PRDM5: variants seen among roughly 807,000 people sequenced by gnomAD.
PRDM5 encodes the protein PR domain zinc finger protein 5.
PRDM5 carries 56 observed loss-of-function variants against 81.2 expected under a neutral mutation model. The ratio of observed to expected loss-of-function variants is 0.69; its 90% CI spans 0.56 to 0.86. PRDM5 has a LOEUF of 0.86. PRDM5 is among the 40% of genes least tolerant of loss of function. The pLI is 0.00. For synonymous variants in PRDM5, 267 were observed against 256.4 expected (o/e 1.04, Z -0.39); for missense variants, 697 against 770.1 (o/e 0.91, Z 1.12).
rs1734075174 is a variant in PRDM5 at position 120,691,919 on chromosome 4, A to G, written c.*3192T>C. ...ATAAAATGCTAACACCAAGTCTGGT[A>G]GTGATTTATATATATTTATTATAGA... On this transcript the variant is annotated 3_prime_UTR_variant, in exon 16 of 16. Coordinates refer to ENST00000264808, the MANE Select transcript of PRDM5 (RefSeq NM_018699.4). The G allele has an allele frequency of 6.6e-6, 1 of 151,972 alleles. No individual in the cohort carries two copies. Among genetic ancestry groups the G allele is most frequent in the Non-Finnish European group, 1.5e-5 (1 of 67,934 alleles). 9.4% of individuals were successfully genotyped at this position (151,972 alleles called of 1,614,324 possible). A position where few individuals can be genotyped will look rare whatever the true frequency, so the allele number is the denominator to read the frequency against.
chr4:120,807,601 C>T (rs1173247971), intron 8 of PRDM5, among the ~76,000 whole-genome samples: 1 of 152,210 alleles, frequency 6.6e-6, no homozygotes, highest in Non-Finnish European at 1.5e-5. Flanking sequence ...TGTCAGCAAA[C>T]TATGTGTCCG....
At chr4:120,811,010 T>C (rs1753755479) in intron 8 of PRDM5, among the ~76,000 whole-genome samples, 1 of 152,174 alleles carries the variant, frequency 6.6e-6, no homozygotes, top group South Asian at 2.1e-4. Flanking sequence ...TAAAATTTTA[T>C]TTTCACGAAT....
At chr4:120,892,881 C>T (rs1017510870) in intron 2 of PRDM5, among the ~76,000 whole-genome samples, 2 of 150,568 alleles carry the variant, frequency 1.3e-5, no homozygotes, top group Admixed American at 6.6e-5. Context: ...TGGGTACTTC[C>T]GAGGACAGCA....
chr4:120,767,163 A>T (rs937048549), intron 13 of PRDM5, among the ~76,000 whole-genome samples: 6 of 152,218 alleles, frequency 3.9e-5, no homozygotes, highest in Non-Finnish European at 8.8e-5. Context: ...ATAAAAACAT[A>T]AATACTAAAA....
At chr4:120,688,385 T>C (rs1432144124), downstream of PRDM5, among the ~76,000 whole-genome samples, 4 of 152,154 alleles carry the variant, frequency 2.6e-5, no homozygotes, top group Non-Finnish European at 5.9e-5. Context: ...TATTAACTTG[T>C]TAACAGATAC....
chr4:120,824,599 C>G (rs138319230), intron 3 of PRDM5, among the ~76,000 whole-genome samples: 179 of 152,286 alleles, frequency 1.2e-3, no homozygotes, highest in Non-Finnish European at 2.1e-3. Context: ...TGTTATTCAT[C>G]TCTTGCCTAT....
intron 14 of PRDM5, among the ~76,000 whole-genome samples, chr4:120,739,288 G>A (rs1393258358): frequency 6.6e-6 from 1 of 152,162 alleles, no homozygotes; most frequent in Non-Finnish European, 1.5e-5. Context: ...AAGGAAACTG[G>A]ACTGTACTTC....
At chr4:120,726,953 T>A (rs1236158104) in intron 14 of PRDM5, among the ~76,000 whole-genome samples, 1 of 152,142 alleles carries the variant, frequency 6.6e-6, no homozygotes, top group Non-Finnish European at 1.5e-5. Context: ...AATTCAGTAT[T>A]TAAAAAAATT....
intron 15 of PRDM5, among the ~76,000 whole-genome samples, chr4:120,706,099 T>C (rs1177033886): frequency 6.6e-6 from 1 of 152,018 alleles, no homozygotes. Flanking sequence ...TTTTTTTTTT[T>C]TTTCTTTTTG....
downstream of PRDM5, among the ~76,000 whole-genome samples, chr4:120,688,585 T>A (rs900220812): frequency 1.3e-5 from 2 of 152,188 alleles, no homozygotes; most frequent in Non-Finnish European, 2.9e-5. Context: ...CCCCCATATT[T>A]CTTTCTAGTT....
At chr4:120,737,137 C>T (rs1741233724) in intron 14 of PRDM5, among the ~76,000 whole-genome samples, 1 of 152,224 alleles carries the variant, frequency 6.6e-6, no homozygotes, top group South Asian at 2.1e-4. Flanking sequence ...GTGGCTTCAT[C>T]AGAGGATCAC....
Position 120,692,047 on chromosome 4 carries a change from T to G in PRDM5, c.*3064A>C, listed in dbSNP as rs1198265275. On this transcript the variant is annotated 3_prime_UTR_variant, in exon 16 of 16. Coordinates refer to ENST00000264808, the MANE Select transcript of PRDM5 (RefSeq NM_018699.4). ...ATATCAATGGTAAAATTTTAGGATT[T>G]TAAAGAGGCACATTTCCTCCTACCT... 6.6e-6 allele frequency: 1 copy of G among 152,072 alleles called. No individual in the cohort carries two copies. Among genetic ancestry groups the G allele is most frequent in the Non-Finnish European group, 1.5e-5 (1 of 67,972 alleles). 9.4% of individuals were successfully genotyped at this position (152,072 alleles called of 1,614,324 possible). A position where few individuals can be genotyped will look rare whatever the true frequency, so the allele number is the denominator to read the frequency against.
In PRDM5 at chr4:120,802,015, A is replaced by G. The variant is rs760915269; in HGVS notation, c.946-2270T>C. Among the ~76,000 whole-genome samples, 267 of 152,300 alleles carry G rather than the reference A, an allele frequency of 1.8e-3. 2 individuals are homozygous for G. The highest frequency in any genetic ancestry group is 3.2e-3 in the Non-Finnish European group (218 of 68,030). ...ATATATAAAATTATAAAAATTATTCATCCACATATAAAATGGAAATCGTTA... is the reference window on the plus strand; with the variant it reads ...ATATATAAAATTATAAAAATTATTCGTCCACATATAAAATGGAAATCGTTA... On this transcript the variant is annotated intron_variant, in intron 8 of 15. Coordinates refer to ENST00000264808, the MANE Select transcript of PRDM5 (RefSeq NM_018699.4).
intron 13 of PRDM5, among the ~76,000 whole-genome samples, chr4:120,759,387 T>C (rs946549618): frequency 1.3e-5 from 2 of 152,234 alleles, no homozygotes; most frequent in African/African-American, 4.8e-5. Flanking sequence ...GGAGGATGTT[T>C]AGGGCAATCC....
intron 1 of PRDM5, among the ~76,000 whole-genome samples, chr4:120,920,550 T>C (rs1724778758): frequency 6.6e-6 from 1 of 152,200 alleles, no homozygotes; most frequent in African/African-American, 2.4e-5. Context: ...AGCCTCACAA[T>C]TCAGCTAAAG....
chr4:120,770,273 C>A (rs1310680639), intron 13 of PRDM5, among the ~76,000 whole-genome samples: 1 of 152,102 alleles, frequency 6.6e-6, no homozygotes, highest in African/African-American at 2.4e-5. Flanking sequence ...AGGTGATCTG[C>A]CCACCTCAAC....
chr4:120,922,430 C>T, intron 1 of PRDM5, 86 bp downstream of exon 1: 2 of 1,215,454 alleles, frequency 1.6e-6, no homozygotes, highest in Non-Finnish European at 2.1e-6. Flanking sequence ...AAGCCCGCCG[C>T]GCCCCGGGCC....
At chr4:120,765,710 A>G (rs1746278316) in intron 13 of PRDM5, among the ~76,000 whole-genome samples, 1 of 152,218 alleles carries the variant, frequency 6.6e-6, no homozygotes, top group Non-Finnish European at 1.5e-5. Context: ...TCTACATTCT[A>G]TAGATGATCT....
At chr4:120,832,620 T>C (rs979020863) in intron 3 of PRDM5, among the ~76,000 whole-genome samples, 2 of 152,140 alleles carry the variant, frequency 1.3e-5, no homozygotes, top group Non-Finnish European at 2.9e-5. Flanking sequence ...GCAACCTCAG[T>C]ACCTGATGTG....
Sources: gnomAD v4.1 joint callset for allele counts (sites outside exome capture counted in the v4.1 genomes callset) on GRCh38, gnomAD v4.1.1 for gene constraint, MANE v1.5 for transcripts, NCBI Gene and HGNC (gene_info 2026-07-23, HGNC 2026-07-21) for gene names.